Variants in SHISA9 observed in about 807,000 individuals in gnomAD.
SHISA9 encodes shisa family member 9, also known as protein shisa-9.
Under a neutral mutation model 38.0 loss-of-function variants are expected in SHISA9, and 13 were observed. That is an observed-to-expected ratio of 0.34 (90% CI 0.22 to 0.54). The LOEUF (loss-of-function observed/expected upper bound fraction) is 0.54. Among genes scored for constraint, SHISA9 ranks in the 20% least tolerant of loss-of-function variants. The pLI, the probability that SHISA9 is intolerant of heterozygous loss-of-function variation, is 0.91. For synonymous variants in SHISA9, 275 were observed against 242.0 expected, an observed-to-expected ratio of 1.14 and a Z score of -1.27; for missense variants, 538 against 575.8, an observed-to-expected ratio of 0.93 and a Z score of 0.67.
intron 2 of SHISA9, among the ~76,000 whole-genome samples, chr16:13,162,826 A>G (rs1443278838): frequency 7.2e-6 from 1 of 138,440 alleles, no homozygotes; most frequent in Non-Finnish European, 1.6e-5. Context: ...TTAGTCATTT[A>G]CATGAAAAAA....
At chr16:13,227,146 G>T (rs2051287259) in intron 4 of SHISA9, among the ~76,000 whole-genome samples, 1 of 152,132 alleles carries the variant, frequency 6.6e-6, no homozygotes, top group Non-Finnish European at 1.5e-5. Flanking sequence ...AACCATGTCT[G>T]CTTCTGTTTC....
the SHISA9 span, among the ~76,000 whole-genome samples, chr16:13,556,696 A>C: frequency 6.6e-6 from 1 of 151,942 alleles, no homozygotes; most frequent in Admixed American, 6.6e-5. Context: ...CAAACAAACA[A>C]ACACTCAGCC....
chr16:13,521,095 T>C, the SHISA9 span, among the ~76,000 whole-genome samples: 1 of 152,188 alleles, frequency 6.6e-6, no homozygotes, highest in African/African-American at 2.4e-5. Context: ...TAGCCACTGA[T>C]GTCTCATCAG....
At chr16:13,488,394 G>C in the SHISA9 span, among the ~76,000 whole-genome samples, 2 of 152,134 alleles carry the variant, frequency 1.3e-5, no homozygotes, top group East Asian at 3.9e-4. Flanking sequence ...GTGTCATCTG[G>C]GAAGCTTTCA....
At chr16:13,126,074 C>T (rs1414807152) in intron 2 of SHISA9, among the ~76,000 whole-genome samples, 1 of 152,220 alleles carries the variant, frequency 6.6e-6, no homozygotes, top group Non-Finnish European at 1.5e-5. Flanking sequence ...TTGACATATT[C>T]TAGCTACTGG....
At chr16:13,140,513 T>G (rs2050393040) in intron 2 of SHISA9, among the ~76,000 whole-genome samples, 1 of 152,114 alleles carries the variant, frequency 6.6e-6, no homozygotes, top group African/African-American at 2.4e-5. Flanking sequence ...AAACATCTCC[T>G]TATTTGTCCA....
At chr16:13,179,239 G>T (rs966674684) in intron 2 of SHISA9, among the ~76,000 whole-genome samples, 4 of 152,174 alleles carry the variant, frequency 2.6e-5, no homozygotes, top group African/African-American at 2.4e-5. Context: ...GAACAACCAG[G>T]AGGCGGAGGT....
At chr16:13,214,132 T>TTGTTG (rs2051145534) in intron 4 of SHISA9, among the ~76,000 whole-genome samples, 1 of 152,144 alleles carries the variant, frequency 6.6e-6, no homozygotes, top group Non-Finnish European at 1.5e-5. Flanking sequence ...GAAACACCCT[T>TTGTTG]CTCCATATGC....
chr16:13,244,212 A>C (rs974307345), downstream of SHISA9, among the ~76,000 whole-genome samples: 19 of 151,982 alleles, frequency 1.3e-4, no homozygotes, highest in African/African-American at 4.3e-4. Context: ...ATAGAATTAC[A>C]AAAAAAACCC....
At chr16:13,285,462 G>GTTTTTTTTTTTTTTTTTTTT in the SHISA9 span, among the ~76,000 whole-genome samples, 1 of 95,788 alleles carries the variant, frequency 1.0e-5, no homozygotes, top group African/African-American at 4.2e-5. Context: ...TTCAGGTGTA[G>GTTTTTTTTTTTTTTTTTTTT]TTTTTTTTTT....
chr16:13,206,327 A>G (rs774872785), intron 3 of SHISA9, among the ~76,000 whole-genome samples: 17 of 151,952 alleles, frequency 1.1e-4, no homozygotes, highest in Non-Finnish European at 1.8e-4. Context: ...TGTTCATCCT[A>G]TTTTCTCCCC....
chr16:13,159,058 CA>C (rs10711130), intron 2 of SHISA9, among the ~76,000 whole-genome samples: 55,251 of 123,362 alleles, frequency 0.45, 10,384 homozygotes, highest in East Asian at 0.48. Context: ...GACTCTGTCT[CA>C]AAAAAAAAAA....
the SHISA9 span, among the ~76,000 whole-genome samples, chr16:13,347,994 A>T: frequency 6.6e-6 from 1 of 152,216 alleles, no homozygotes; most frequent in Non-Finnish European, 1.5e-5. Flanking sequence ...CCTGGGCCTA[A>T]TGTAATCACA....
At position 13,101,018 on chromosome 16, in the gene SHISA9, C is replaced by A. The variant is rs181915937; in HGVS notation, c.692-102376C>A. 5.2e-4 allele frequency among the ~76,000 whole-genome samples: 79 copies of A among 152,286 alleles called. No homozygotes were observed. The East Asian group carries it at 8.7e-3, about 17-fold the overall frequency. On this transcript the variant is annotated intron_variant, in intron 2 of 4. Coordinates refer to ENST00000558583, the MANE Select transcript of SHISA9 (RefSeq NM_001145204.3). ...CCCCGAGTTTGGCTATTTTAGATTC[C>A]ATATCTAGGTGGAATTCATGCAACG...
the SHISA9 span, among the ~76,000 whole-genome samples, chr16:13,466,583 T>TA: frequency 2.6e-5 from 4 of 152,106 alleles, no homozygotes; most frequent in Non-Finnish European, 5.9e-5. Context: ...TGTTGTTTTT[T>TA]TAAAAAAAGT....
At chr16:13,131,231 A>T (rs2050303882) in intron 2 of SHISA9, among the ~76,000 whole-genome samples, 1 of 152,218 alleles carries the variant, frequency 6.6e-6, no homozygotes, top group African/African-American at 2.4e-5. Context: ...CATTGATGAT[A>T]GACTGGATAA....
intron 2 of SHISA9, among the ~76,000 whole-genome samples, chr16:13,003,904 G>T (rs539115319): frequency 1.9e-3 from 281 of 150,790 alleles, no homozygotes; most frequent in Middle Eastern, 6.9e-3. Context: ...AGAAGAAGAA[G>T]AAGAAGTTAC....
the SHISA9 span, among the ~76,000 whole-genome samples, chr16:13,457,676 C>A: frequency 2.0e-4 from 30 of 151,876 alleles, no homozygotes; most frequent in Admixed American, 1.6e-3. Context: ...AGATTAATCC[C>A]ACTTGCATTG....
chr16:13,256,702 T>A, the SHISA9 span, among the ~76,000 whole-genome samples: 2 of 152,358 alleles, frequency 1.3e-5, no homozygotes, highest in Admixed American at 1.3e-4. Flanking sequence ...AGGCAATTGA[T>A]AACTCACACT....
Sources: allele counts gnomAD v4.1 joint callset (sites outside exome capture counted in the v4.1 genomes callset), GRCh38; gene constraint gnomAD v4.1.1; transcripts MANE v1.5; gene names NCBI Gene and HGNC (gene_info 2026-07-23, HGNC 2026-07-21).